HSPG2: variants seen among roughly 807,000 people sequenced by gnomAD.
HSPG2 encodes heparan sulfate proteoglycan 2.
A neutral mutation model predicts 526.6 loss-of-function variants in HSPG2; 278 were observed. That is an observed-to-expected ratio of 0.53 (90% CI 0.48 to 0.58). The LOEUF (loss-of-function observed/expected upper bound fraction) is 0.58, where lower values mean the gene tolerates loss of function less well. Among genes scored for constraint, HSPG2 ranks in the 20% least tolerant of loss-of-function variants. HSPG2 has a pLI of 0.00. For synonymous variants in HSPG2, 2,465 were observed against 2,555.4 expected (o/e 0.96, Z 1.07); for missense variants, 5,354 against 6,099.5 (o/e 0.88, Z 4.07).
intron 1 of HSPG2, chr1:21,908,407 A>G (rs997994818): frequency 5.1e-6 from 5 of 973,920 alleles, no homozygotes; most frequent in East Asian, 4.9e-5. Context: ...GAGCCGAGAT[A>G]GCTTCCTGAA....
chr1:21,883,160 T>A (rs1420366008), intron 13 of HSPG2, among the ~76,000 whole-genome samples: 1 of 152,224 alleles, frequency 6.6e-6, no homozygotes, highest in Non-Finnish European at 1.5e-5. Context: ...CCTGGGGCTC[T>A]CATCTTAAAA....
intron 1 of HSPG2, among the ~76,000 whole-genome samples, chr1:21,936,608 G>GT (rs1644496061): frequency 6.6e-6 from 1 of 152,212 alleles, no homozygotes; most frequent in African/African-American, 2.4e-5. Context: ...CTCTTCGGCT[G>GT]TATGACTCCA....
chr1:21,928,504 G>A (rs1322338232), intron 1 of HSPG2, among the ~76,000 whole-genome samples: 1 of 152,232 alleles, frequency 6.6e-6, no homozygotes, highest in Admixed American at 6.5e-5. Flanking sequence ...GCAATGGCAT[G>A]ATCTCAGCTC....
chr1:21,848,547 C>T lies in HSPG2; in HGVS notation c.7737+96G>A, dbSNP rs1638631568. 1 of 1,393,310 alleles carries T rather than the reference C, an allele frequency of 7.2e-7. No homozygotes were observed. The highest frequency in any genetic ancestry group is 1.4e-5 in the African/African-American group (1 of 70,726). The allele number at this position is 1,393,310 out of a possible 1,614,324, so 86.3% of individuals were successfully genotyped here. On this transcript the variant is annotated intron_variant, in intron 59 of 96. Transcript: ENST00000374695. The surrounding 1 kb of genome is among the most constrained non-coding windows in gnomAD (Gnocchi z 4.9). Reference sequence around the variant, plus strand: ...AGGATACTCAATGTTTGTTGAATGACTGAATGAGCACAGAGTGAGGTGCTG... The same window carrying T: ...AGGATACTCAATGTTTGTTGAATGATTGAATGAGCACAGAGTGAGGTGCTG...
In HSPG2 at chr1:21,832,522, C is replaced by T. The variant is rs932222265; in HGVS notation, c.11180G>A (p.Gly3727Asp). 6.8e-6 allele frequency: 11 copies of T among 1,614,162 alleles called. No homozygotes were observed. The highest frequency in any genetic ancestry group is 9.3e-6 in the Non-Finnish European group (11 of 1,179,998). The change falls in exon 81 of 97, where the codon GGC becomes GAC. Residue 3727 changes from glycine (G) to aspartate (D), a missense_variant. Gly to Asp is a moderately conservative substitution (Grantham distance 94, BLOSUM62 -1). Transcript: ENST00000374695. ...GAACTCGGGCCTTCCCCCCACGAGG[C>T]CGAAGGAGATGAAGTCGGGCTGCCG... ...ANRQPDFISF[G>D]LVGGRPEFRF...
intron 1 of HSPG2, among the ~76,000 whole-genome samples, chr1:21,932,057 T>C (rs1344660403): frequency 6.6e-6 from 1 of 152,070 alleles, no homozygotes; most frequent in Admixed American, 6.5e-5. Context: ...AACCTAAAAA[T>C]GACCACCCTA....
In HSPG2 at chr1:21,846,125, C is replaced by T; in HGVS notation, c.8447G>A (p.Ser2816Asn). 4.3e-6 allele frequency: 7 copies of T among 1,612,948 alleles called. No homozygotes were observed. The highest frequency in any genetic ancestry group is 5.9e-6 in the Non-Finnish European group (7 of 1,180,040). ...VLVTIEASGSSAVHVPAPGGA... is the reference protein window; with the variant it reads ...VLVTIEASGSNAVHVPAPGGA... ...ACCCTCACCGGGGACGTGGACAGCA[C>T]TTGAGCCAGAGGCTTCGATGGTGAC... Residue 2816 changes from serine to asparagine, a missense_variant, in exon 64 of 97, where the codon AGT becomes AAT. Coordinates refer to ENST00000374695, the MANE Select transcript of HSPG2 (RefSeq NM_005529.7).
chr1:21,931,401 C>G (rs780103112), intron 1 of HSPG2, among the ~76,000 whole-genome samples: 1 of 152,206 alleles, frequency 6.6e-6, no homozygotes, highest in Non-Finnish European at 1.5e-5. Flanking sequence ...AAGGCCCAGG[C>G]GGAAGCAACA....
chr1:21,915,777 T>A (rs1174700551), intron 1 of HSPG2, among the ~76,000 whole-genome samples: 2 of 152,054 alleles, frequency 1.3e-5, no homozygotes, highest in African/African-American at 4.8e-5. Context: ...TTGCCGGGCA[T>A]GGTGGCTCAC....
At position 21,850,452 on chromosome 1, in the gene HSPG2, G is replaced by A. The variant is rs745572984; in HGVS notation, c.7205C>T (p.Ser2402Leu). 7 of 1,612,254 alleles carry A rather than the reference G, an allele frequency of 4.3e-6. No homozygotes were observed. The highest frequency in any genetic ancestry group is 1.1e-5 in the South Asian group (1 of 90,884). Residue 2402 changes from serine to leucine, a missense_variant, in exon 56 of 97, where the codon TCG becomes TTG. Ser to Leu is a moderately radical substitution (Grantham distance 145). Transcript: ENST00000374695. ...LRLYQASPAD[S>L]GEYVCRVLGS... Reference sequence around the variant, plus strand: ...CAACACTCGGCACACGTACTCGCCCGAGTCGGCGGGGGACGCTTGGTAGAG... The same window carrying A: ...CAACACTCGGCACACGTACTCGCCCAAGTCGGCGGGGGACGCTTGGTAGAG...
chr1:21,915,722 C>A (rs1438930362), intron 1 of HSPG2, among the ~76,000 whole-genome samples: 2 of 152,190 alleles, frequency 1.3e-5, no homozygotes, highest in Non-Finnish European at 2.9e-5. Context: ...AAGATAGCTA[C>A]TAAGCGCTTC....
chr1:21,903,286 A>T (rs936356681), intron 1 of HSPG2, among the ~76,000 whole-genome samples: 1 of 152,134 alleles, frequency 6.6e-6, no homozygotes, highest in African/African-American at 2.4e-5. Context: ...CCCTCCAAGA[A>T]TTAGTTCTCT....
At position 21,828,667 on chromosome 1, in the gene HSPG2, C is replaced by T. The variant is rs2097987742; in HGVS notation, c.12237+168G>A. ...ACCTTTCAAAGTAGGTGTGATCATG[C>T]CCATTTTACAGAGGAGGAAACTGAG... On this transcript the variant is annotated intron_variant, in intron 88 of 96. Coordinates refer to ENST00000374695, the MANE Select transcript of HSPG2 (RefSeq NM_005529.7). The surrounding 1 kb of genome is among the most constrained non-coding windows in gnomAD (Gnocchi z 6.0). Among the ~76,000 whole-genome samples the T allele has an allele frequency of 6.6e-6, 1 of 152,158 alleles. No individual in the cohort carries two copies. The highest frequency in any genetic ancestry group is 6.5e-5 in the Admixed American group (1 of 15,280).
At chr1:21,931,484 C>G (rs1389241014) in intron 1 of HSPG2, among the ~76,000 whole-genome samples, 1 of 152,182 alleles carries the variant, frequency 6.6e-6, no homozygotes, top group Non-Finnish European at 1.5e-5. Flanking sequence ...GAGAAAAAGG[C>G]CAGGGTAGGC....
chr1:21,897,972 T>C (rs1642868271), intron 1 of HSPG2, among the ~76,000 whole-genome samples: 1 of 152,212 alleles, frequency 6.6e-6, no homozygotes, highest in African/African-American at 2.4e-5. Flanking sequence ...ACAAGGTTAT[T>C]GTCTGTACCT....
Position 21,878,590 on chromosome 1 carries a change from G to C in HSPG2, c.2545C>G (p.Arg849Gly). The change falls in exon 19 of 97, where the codon CGC becomes GGC. Residue 849 changes from arginine to glycine, a missense_variant. Physicochemically the swap from Arg to Gly is moderately radical, Grantham distance 125 (BLOSUM62 -2). Transcript: ENST00000374695. ...GCTCTCCCTCACCTCTCACAGCGGC[G>C]GCCAGTGTAGCCTGGGGCACAGGCG... ...CDACAPGYTG[R>G]RCESCAPGYE... 6.2e-7 allele frequency: 1 copy of C among 1,614,110 alleles called. No individual in the cohort carries two copies. The highest frequency in any genetic ancestry group is 1.1e-5 in the South Asian group (1 of 91,084).
chr1:21,865,452 A>G lies in HSPG2; in HGVS notation c.4315-87T>C. 7.8e-7 allele frequency: 1 copy of G among 1,282,704 alleles called. No individual in the cohort carries two copies. The highest frequency in any genetic ancestry group is 1.1e-6 in the Non-Finnish European group (1 of 882,626). The allele number at this position is 1,282,704 out of a possible 1,614,324, so 79.5% of individuals were successfully genotyped here. A position where few individuals can be genotyped will look rare whatever the true frequency, so the allele number is the denominator to read the frequency against. Reference sequence around the variant, plus strand: ...CTCCACCAGTCCTAGATTCTCTGTAACCCCCAGCCTCCCACCTCTCTGCTC... The same window carrying G: ...CTCCACCAGTCCTAGATTCTCTGTAGCCCCCAGCCTCCCACCTCTCTGCTC... On this transcript the variant is annotated intron_variant, in intron 34 of 96. Coordinates refer to ENST00000374695, the MANE Select transcript of HSPG2 (RefSeq NM_005529.7). This position sits in a 1 kb window ranked among gnomAD's most constrained non-coding sequence, Gnocchi z 5.4.
Position 21,884,939 on chromosome 1 carries a change from T to C in HSPG2, c.1356-21A>G, listed in dbSNP as rs760507679. On this transcript the variant is annotated intron_variant, in intron 11 of 96. Transcript: ENST00000374695. ...TCACCCTGGTGAGCCCCAAGACAAG[T>C]GGTAGGATCTGGCCTAGGGCTCTGG... is the stretch of plus-strand genomic sequence containing the variant. The C allele has an allele frequency of 1.1e-5, 18 of 1,613,782 alleles. No homozygotes were observed. The South Asian group carries it at 1.8e-4, about 16-fold the overall frequency.
At chr1:21,883,474 T>C (rs2497631) in intron 13 of HSPG2, among the ~76,000 whole-genome samples, 146,911 of 152,180 alleles carry the variant, frequency 0.97, 71,116 homozygotes, top group Middle Eastern at 1. Context: ...CAAGCCACCA[T>C]GCCTGGCTAG....
Sources: gnomAD v4.1 joint callset for allele counts (sites outside exome capture counted in the v4.1 genomes callset) on GRCh38, gnomAD v4.1.1 for gene constraint, Gnocchi (gnomAD v3.1) non-coding constraint, MANE v1.5 for transcripts, NCBI Gene and HGNC (gene_info 2026-07-23, HGNC 2026-07-21) for gene names.